ADAMTS4: variants seen among roughly 807,000 people sequenced by gnomAD.
The protein encoded by ADAMTS4 is A disintegrin and metalloproteinase with thrombospondin motifs 4.
In ADAMTS4, 38 loss-of-function variants were observed where a neutral mutation model predicts 66.7. The observed-to-expected ratio is 0.57, with a 90% CI of 0.44 to 0.75. ADAMTS4 has a LOEUF of 0.75. Ranked by LOEUF, ADAMTS4 falls within the 30% of genes least tolerant of loss-of-function variation. ADAMTS4 has a pLI of 0.00. For missense variants in ADAMTS4, 1,014 were observed against 1,116.7 expected (o/e 0.91, Z 1.31); for synonymous variants, 418 against 461.5 (o/e 0.91, Z 1.21).
At position 161,190,080 on chromosome 1, in the gene ADAMTS4, C is replaced by G. The variant is rs946809131; in HGVS notation, c.*1058G>C. ...AAAATTAGTTGGGCGTGGCCAGGCA[C>G]GGTGGCTCACGCCTGTAATCCCAGC... On this transcript the variant is annotated 3_prime_UTR_variant, in exon 9 of 9. Coordinates refer to ENST00000367996, the MANE Select transcript of ADAMTS4 (RefSeq NM_005099.6). 1.1e-4 allele frequency: 17 copies of G among 150,806 alleles called. No homozygotes were observed. The highest frequency in any genetic ancestry group is 4.2e-4 in the African/African-American group (17 of 40,874). The allele number at this position is 150,806 out of a possible 1,614,324, so 9.3% of individuals were successfully genotyped here.
In ADAMTS4 at chr1:161,188,275, C is replaced by G. The variant is rs544514738; in HGVS notation, c.*2863G>C. The G allele has an allele frequency of 3.4e-5, 4 of 116,536 alleles. No homozygotes were observed. The Admixed American group carries it at 4.8e-4, about 14-fold the overall frequency. The allele number at this position is 116,536 out of a possible 1,614,324, so 7.2% of individuals were successfully genotyped here. A position where few individuals can be genotyped will look rare whatever the true frequency, so the allele number is the denominator to read the frequency against. ...TTTTTTTGAGTTGGTGTTTTGGTCT[C>G]TCACCCAGGCTGGAGTATAGTGGCA... On this transcript the variant is annotated 3_prime_UTR_variant, in exon 9 of 9. Transcript: ENST00000367996.
chr1:161,195,755 C>G (rs1160043781), intron 3 of ADAMTS4, 120 bp from the exon 4 acceptor site: 9 of 954,534 alleles, frequency 9.4e-6, no homozygotes, highest in Non-Finnish European at 1.4e-5. Context: ...CACCCTGCCC[C>G]CAGTCCTTTC....
At position 161,193,632 on chromosome 1, in the gene ADAMTS4, C is replaced by T; in HGVS notation, c.1735+8G>A. The T allele has an allele frequency of 6.2e-7, 1 of 1,604,852 alleles. No individual in the cohort carries two copies. Among genetic ancestry groups the T allele is most frequent in the South Asian group, 1.1e-5 (1 of 89,420 alleles). On this transcript the variant is annotated splice_region_variant and intron_variant, in intron 6 of 8. Transcript: ENST00000367996. The surrounding 1 kb of genome is among the most constrained non-coding windows in gnomAD (Gnocchi z 4.4). ...CTCCCAAGGGCTCCCATCCCCCCTA[C>T]TCCTCACCTGAGCCAGTTGGGCAGT...
rs1280794625 is a variant in ADAMTS4, at chr1:161,198,198, A to C, written c.430T>G (p.Trp144Gly). 3 of 1,614,062 alleles carry C rather than the reference A, an allele frequency of 1.9e-6. No homozygotes were observed. The East Asian group carries it at 6.7e-5, about 36-fold the overall frequency. ...ACGCCTAACAGGGCTCCCCCATCCCAGTGCAGAGATGCCACCGACTCCGGA... is the reference window on the plus strand; with the variant it reads ...ACGCCTAACAGGGCTCCCCCATCCCCGTGCAGAGATGCCACCGACTCCGGA... Reference protein sequence around the residue: ...GDPESVASLHWDGGALLGVLQ... With the variant: ...GDPESVASLHGDGGALLGVLQ... Residue 144 changes from tryptophan to glycine, a missense_variant, in exon 1 of 9, where the codon TGG becomes GGG. Physicochemically the swap from Trp to Gly is radical, Grantham distance 184. Coordinates refer to ENST00000367996, the MANE Select transcript of ADAMTS4 (RefSeq NM_005099.6). This position sits in a 1 kb window ranked among gnomAD's most constrained non-coding sequence, Gnocchi z 4.7.
In ADAMTS4 at chr1:161,192,251, G is replaced by T; in HGVS notation, c.1912-11C>A. 6.2e-7 allele frequency: 1 copy of T among 1,612,108 alleles called. No individual in the cohort carries two copies. The highest frequency in any genetic ancestry group is 8.5e-7 in the Non-Finnish European group (1 of 1,178,588). On this transcript the variant is annotated splice_polypyrimidine_tract_variant and intron_variant, in intron 7 of 8. Coordinates refer to ENST00000367996, the MANE Select transcript of ADAMTS4 (RefSeq NM_005099.6). ...GGTCCCATCTACCACCTGAGGAAAAGAGAAAGAACAATGCTGAAGGTTCCT... is the reference window on the plus strand; with the variant it reads ...GGTCCCATCTACCACCTGAGGAAAATAGAAAGAACAATGCTGAAGGTTCCT...
At position 161,198,239 on chromosome 1, in the gene ADAMTS4, C is replaced by A. The variant is rs780270695; in HGVS notation, c.389G>T (p.Gly130Val). 8.7e-6 allele frequency: 14 copies of A among 1,613,956 alleles called. No individual in the cohort carries two copies. The African/African-American group carries it at 1.9e-4, about 22-fold the overall frequency. Residue 130 changes from glycine (G) to valine (V), a missense_variant, in exon 1 of 9, where the codon GGC becomes GTC. Gly to Val is a moderately radical substitution (Grantham distance 109). Transcript: ENST00000367996. The surrounding 1 kb of genome is among the most constrained non-coding windows in gnomAD (Gnocchi z 4.7). ...GGAEPGTYLT[G>V]TINGDPESVA... is the part of the protein sequence containing the mutation. The stretch of plus-strand genomic sequence containing the variant: ...CGACTCCGGATCTCCATTGATGGTG[C>A]CAGTCAGGTAGGTGCCAGGCTCTGC...
Position 161,196,774 on chromosome 1 carries a change from G to A in ADAMTS4, c.740C>T (p.Ala247Val). The A allele has an allele frequency of 6.2e-7, 1 of 1,612,978 alleles. No homozygotes were observed. Among genetic ancestry groups the A allele is most frequent in the Non-Finnish European group, 8.5e-7 (1 of 1,180,024 alleles). Residue 247 changes from alanine (A) to valine (V), a missense_variant, in exon 2 of 9, where the codon GCA (alanine) becomes GTA (valine). Coordinates refer to ENST00000367996, the MANE Select transcript of ADAMTS4 (RefSeq NM_005099.6). The stretch of plus-strand genomic sequence containing the variant: ...GTGCTTGAAGGCCTTGGCTGCTGCT[G>A]CCATCACTGTTAGCAGGTAGCGCTT... ...GLKRYLLTVM[A>V]AAAKAFKHPS... is the part of the protein sequence containing the mutation.
At position 161,194,961 on chromosome 1, in the gene ADAMTS4, T is replaced by A. The variant is rs1664774813; in HGVS notation, c.1261+504A>T. On this transcript the variant is annotated intron_variant, in intron 4 of 8. Coordinates refer to ENST00000367996, the MANE Select transcript of ADAMTS4 (RefSeq NM_005099.6). This position sits in a 1 kb window ranked among gnomAD's most constrained non-coding sequence, Gnocchi z 4.1. ...ACTTTGGAAGGCTGAGGTGGGAGGA[T>A]TGCTTGAGCCTAGGAGTTCGAGACC... 6.6e-6 allele frequency among the ~76,000 whole-genome samples: 1 copy of A among 152,130 alleles called. No individual in the cohort carries two copies. Among genetic ancestry groups the A allele is most frequent in the Non-Finnish European group, 1.5e-5 (1 of 68,010 alleles).
Position 161,186,492 on chromosome 1 carries a change from AACTT to A in ADAMTS4, c.*4642_*4645del, listed in dbSNP as rs926059380. Reference sequence around the variant, plus strand: ...CTAAGCTCAGTCTCATTTTCAGAAAAACTTACTTATGCCAGTGAGAACCCTACTT... The same window carrying A: ...CTAAGCTCAGTCTCATTTTCAGAAAAACTTATGCCAGTGAGAACCCTACTT... On this transcript the variant is annotated 3_prime_UTR_variant, in exon 9 of 9. Coordinates refer to ENST00000367996, the MANE Select transcript of ADAMTS4 (RefSeq NM_005099.6). 15 of 152,220 alleles carry A rather than the reference AACTT, an allele frequency of 9.9e-5. No homozygotes were observed. The highest frequency in any genetic ancestry group is 1.6e-4 in the Non-Finnish European group (11 of 68,044). The allele number at this position is 152,220 out of a possible 1,614,324, so 9.4% of individuals were successfully genotyped here.
rs774441932 is a variant in ADAMTS4 at position 161,198,135 on chromosome 1, G to A, written c.493C>T (p.Leu165=). 1.9e-6 allele frequency: 3 copies of A among 1,614,076 alleles called. No homozygotes were observed. Among genetic ancestry groups the A allele is most frequent in the East Asian group, 4.5e-5 (2 of 44,866 alleles). ...YRGAELHLQP[L]EGGTPNSAGG... is the part of the protein sequence containing the mutation. ...GCAGAGTTAGGGGTGCCTCCCTCCAGGGGCTGGAGGTGGAGTTCAGCCCCC... is the reference window on the plus strand; with the variant it reads ...GCAGAGTTAGGGGTGCCTCCCTCCAAGGGCTGGAGGTGGAGTTCAGCCCCC... Residue 165 remains leucine, a synonymous_variant, in exon 1 of 9, where the codon CTG becomes TTG. Transcript: ENST00000367996. This position sits in a 1 kb window ranked among gnomAD's most constrained non-coding sequence, Gnocchi z 4.7.
At position 161,194,167 on chromosome 1, in the gene ADAMTS4, G is replaced by A; in HGVS notation, c.1316C>T (p.Pro439Leu). The change falls in exon 5 of 9, where the codon CCT (proline) becomes CTT (leucine). Residue 439 changes from proline to leucine, a missense_variant. Pro to Leu is a moderately conservative substitution (Grantham distance 98). Transcript: ENST00000367996. The surrounding 1 kb of genome is among the most constrained non-coding windows in gnomAD (Gnocchi z 4.1). ...EAPLHLPVTF[P>L]GKDYDADRQC... The stretch of plus-strand genomic sequence containing the variant: ...GCGGTCAGCATCATAGTCCTTGCCA[G>A]GGAAAGTCACAGGCAGATGCAATGG... The A allele has an allele frequency of 6.2e-7, 1 of 1,614,170 alleles. No homozygotes were observed. Among genetic ancestry groups the A allele is most frequent in the Non-Finnish European group, 8.5e-7 (1 of 1,180,020 alleles).
rs954888745 is a variant in ADAMTS4 at position 161,192,374 on chromosome 1, G to A, written c.1912-134C>T. On this transcript the variant is annotated intron_variant, in intron 7 of 8. Coordinates refer to ENST00000367996, the MANE Select transcript of ADAMTS4 (RefSeq NM_005099.6). ...TGGATGAAGTAGGGGATGTAGATGG[G>A]TGAGTGCCGGCCACCATGTGGGTGA... is the stretch of plus-strand genomic sequence containing the variant. The A allele has an allele frequency of 3.2e-5, 22 of 690,626 alleles. No individual in the cohort carries two copies. In the African/African-American group the frequency reaches 3.4e-4, roughly 11 times the overall value. The allele number at this position is 690,626 out of a possible 1,614,324, so 42.8% of individuals were successfully genotyped here.
Position 161,194,989 on chromosome 1 carries a change from C to T in ADAMTS4, c.1261+476G>A, listed in dbSNP as rs1421439578. Among the ~76,000 whole-genome samples the T allele has an allele frequency of 1.3e-5, 2 of 152,120 alleles. No homozygotes were observed. The highest frequency in any genetic ancestry group is 2.9e-5 in the Non-Finnish European group (2 of 68,014). ...CTTGAGCCTAGGAGTTCGAGACCAG[C>T]CTAGGCAACACAGTGAGACCACATC... On this transcript the variant is annotated intron_variant, in intron 4 of 8. Transcript: ENST00000367996. This position sits in a 1 kb window ranked among gnomAD's most constrained non-coding sequence, Gnocchi z 4.1.
chr1:161,192,206 G>C lies in ADAMTS4; in HGVS notation c.1946C>G (p.Ser649Cys), dbSNP rs977710745. The C allele has an allele frequency of 6.2e-7, 1 of 1,614,072 alleles. No homozygotes were observed. Among genetic ancestry groups the C allele is most frequent in the Non-Finnish European group, 8.5e-7 (1 of 1,180,012 alleles). ...VDGTPCSPDS[S>C]SVCVQGRCIH... ...GCATCGGCCCTGGACACAGACCGAGGAGCTGTCCGGGGAACAGGGGGTCCC... is the reference window on the plus strand; with the variant it reads ...GCATCGGCCCTGGACACAGACCGAGCAGCTGTCCGGGGAACAGGGGGTCCC... The change falls in exon 8 of 9, where the codon TCC becomes TGC. Residue 649 changes from serine to cysteine, a missense_variant. Physicochemically the swap from Ser to Cys is moderately radical, Grantham distance 112. Coordinates refer to ENST00000367996, the MANE Select transcript of ADAMTS4 (RefSeq NM_005099.6).
At position 161,194,388 on chromosome 1, in the gene ADAMTS4, T is replaced by C. The variant is rs940140665; in HGVS notation, c.1262-167A>G. ...ATTTATAATTTTTATTTTAATTACT[T>C]ACTTTTTTTTTTTTTTCCTGAGACA... On this transcript the variant is annotated intron_variant, in intron 4 of 8. Transcript: ENST00000367996. The surrounding 1 kb of genome is among the most constrained non-coding windows in gnomAD (Gnocchi z 4.1). Among the ~76,000 whole-genome samples, 3 of 151,736 alleles carry C rather than the reference T, an allele frequency of 2.0e-5. No homozygotes were observed. The highest frequency in any genetic ancestry group is 2.9e-5 in the Non-Finnish European group (2 of 67,922).
chr1:161,195,408 G>T, intron 4 of ADAMTS4, 57 bp downstream of exon 4: 3 of 1,525,770 alleles, frequency 2.0e-6, no homozygotes, highest in South Asian at 1.3e-5. Context: ...AAGTGAGAGT[G>T]CCCTGGAGGA....
rs374646080 is a variant in ADAMTS4, at chr1:161,192,214, C to T, written c.1938G>A (p.Pro646=). Residue 646 remains proline, a synonymous_variant, in exon 8 of 9, where the codon CCG becomes CCA. Coordinates refer to ENST00000367996, the MANE Select transcript of ADAMTS4 (RefSeq NM_005099.6). ...PRVVDGTPCS[P]DSSSVCVQGR... The stretch of plus-strand genomic sequence containing the variant: ...CCTGGACACAGACCGAGGAGCTGTC[C>T]GGGGAACAGGGGGTCCCATCTACCA... The T allele has an allele frequency of 2.5e-5, 40 of 1,613,708 alleles. No individual in the cohort carries two copies. Among genetic ancestry groups the T allele is most frequent in the Admixed American group, 2.2e-4 (13 of 59,958 alleles).
intron 3 of ADAMTS4, 56 bp from the exon 4 acceptor site, chr1:161,195,691 G>T (rs2102015009): frequency 1.3e-6 from 2 of 1,511,624 alleles, no homozygotes; most frequent in African/African-American, 1.4e-5. Context: ...TGCCCTGAGG[G>T]ACTCCATAAT....
In ADAMTS4 at chr1:161,193,584, A is replaced by G; in HGVS notation, c.1735+56T>C. On this transcript the variant is annotated intron_variant, in intron 6 of 8. Transcript: ENST00000367996. The surrounding 1 kb of genome is among the most constrained non-coding windows in gnomAD (Gnocchi z 4.4). ...CCCCTTGGTCTTGCACTCAAGGGAC[A>G]GTCCTTCCTGCTCTACTGTCCCCTC... The G allele has an allele frequency of 1.3e-6, 2 of 1,560,040 alleles. No homozygotes were observed. The highest frequency in any genetic ancestry group is 1.2e-5 in the South Asian group (1 of 82,274).
Sources: allele counts gnomAD v4.1 joint callset (sites outside exome capture counted in the v4.1 genomes callset), GRCh38; gene constraint gnomAD v4.1.1; non-coding constraint Gnocchi (gnomAD v3.1); transcripts MANE v1.5; gene names NCBI Gene and HGNC (gene_info 2026-07-23, HGNC 2026-07-21).